HSD17B12: variants seen among roughly 807,000 people sequenced by gnomAD.
HSD17B12 encodes the protein very-long-chain 3-oxoacyl-CoA reductase.
A neutral mutation model predicts 39.3 loss-of-function variants in HSD17B12; 32 were observed. The observed-to-expected ratio is 0.81, with a 90% CI of 0.61 to 1.09. The LOEUF is 1.09. Ranked by LOEUF, HSD17B12 falls within the 50% of genes least tolerant of loss-of-function variation. HSD17B12 has a pLI of 0.00. For missense variants in HSD17B12, 342 were observed against 382.9 expected, an observed-to-expected ratio of 0.89 and a Z score of 0.89; for synonymous variants, 150 against 146.7, an observed-to-expected ratio of 1.02 and a Z score of -0.16.
chr11:43,607,613 C>T, the HSD17B12 span, among the ~76,000 whole-genome samples: 1 of 152,072 alleles, frequency 6.6e-6, no homozygotes, highest in African/African-American at 2.4e-5. Flanking sequence ...ATAATATACC[C>T]ACTTCACAGA....
the HSD17B12 span, among the ~76,000 whole-genome samples, chr11:43,665,790 C>A: frequency 0.025 from 3,824 of 152,224 alleles, 158 homozygotes; most frequent in African/African-American, 0.087. Context: ...CACACACACA[C>A]AAGCATGCCT....
rs116884963 is a variant in HSD17B12, at chr11:43,745,964, C to T, written c.161-4947C>T. On this transcript the variant is annotated intron_variant, in intron 1 of 10. Transcript: ENST00000278353. ...GTGAGAGGCTGTAGTGAGCTATGAT[C>T]ACACCATTGCACTCTAGCCTGGGTG... Among the ~76,000 whole-genome samples, 611 of 152,222 alleles carry T rather than the reference C, an allele frequency of 4.0e-3. 7 individuals carry two copies. The East Asian group carries it at 0.045, about 11-fold the overall frequency.
intron 1 of HSD17B12, among the ~76,000 whole-genome samples, chr11:43,727,559 A>G (rs1213269185): frequency 6.6e-6 from 1 of 150,514 alleles, no homozygotes; most frequent in Admixed American, 6.6e-5. Flanking sequence ...GTCTCAACTG[A>G]TTTTCCTGCC....
At chr11:43,559,409 C>T in the HSD17B12 span, among the ~76,000 whole-genome samples, 11 of 152,314 alleles carry the variant, frequency 7.2e-5, no homozygotes, top group East Asian at 1.9e-3. Context: ...CCCGGAGATC[C>T]ATGGAAAGAC....
the HSD17B12 span, among the ~76,000 whole-genome samples, chr11:43,567,858 A>G: frequency 2.6e-5 from 4 of 152,322 alleles, no homozygotes; most frequent in Non-Finnish European, 5.9e-5. Flanking sequence ...CTGAGACCTG[A>G]AGGGATTAAA....
At chr11:43,660,606 T>G in the HSD17B12 span, among the ~76,000 whole-genome samples, 1 of 152,252 alleles carries the variant, frequency 6.6e-6, no homozygotes, top group Non-Finnish European at 1.5e-5. Flanking sequence ...ACAGCCACTT[T>G]GGAAAACAGT....
intron 1 of HSD17B12, among the ~76,000 whole-genome samples, chr11:43,705,790 A>G (rs1233544738): frequency 2.5e-5 from 2 of 80,498 alleles, no homozygotes; most frequent in African/African-American, 9.8e-5. Context: ...TTTTTTTGAG[A>G]TAGGGTCTTG....
chr11:43,582,196 G>A, the HSD17B12 span, among the ~76,000 whole-genome samples: 1 of 152,200 alleles, frequency 6.6e-6, no homozygotes, highest in Non-Finnish European at 1.5e-5. Context: ...AAACAGGCGA[G>A]AACTGGGGAA....
chr11:43,609,528 G>A, the HSD17B12 span, among the ~76,000 whole-genome samples: 2 of 151,818 alleles, frequency 1.3e-5, no homozygotes, highest in African/African-American at 2.4e-5. Context: ...ACCATGCCAG[G>A]CTAATTTTTT....
the HSD17B12 span, among the ~76,000 whole-genome samples, chr11:43,670,919 A>T: frequency 6.6e-6 from 1 of 152,150 alleles, no homozygotes; most frequent in African/African-American, 2.4e-5. Flanking sequence ...TAAGGGGAAT[A>T]AAGGAAAGAA....
chr11:43,785,144 T>C (rs1282812358), intron 3 of HSD17B12, among the ~76,000 whole-genome samples: 1 of 152,146 alleles, frequency 6.6e-6, no homozygotes, highest in Non-Finnish European at 1.5e-5. Context: ...CTGGTTTATA[T>C]GCTTAAAGAA....
intron 1 of HSD17B12, among the ~76,000 whole-genome samples, chr11:43,702,080 G>T (rs1949970059): frequency 6.6e-6 from 1 of 152,006 alleles, no homozygotes; most frequent in Non-Finnish European, 1.5e-5. Context: ...AATTTCATGG[G>T]TAGCTATTAT....
intron 1 of HSD17B12, chr11:43,681,253 T>A: frequency 2.2e-6 from 2 of 889,904 alleles, no homozygotes; most frequent in Non-Finnish European, 3.0e-6. Context: ...AAAACTGCCT[T>A]AAGTCTCTGG....
chr11:43,580,807 C>A, the HSD17B12 span, among the ~76,000 whole-genome samples: 2 of 151,826 alleles, frequency 1.3e-5, no homozygotes, highest in Non-Finnish European at 2.9e-5. Context: ...TTCTCCCTCC[C>A]CCTTCTGAAA....
chr11:43,718,740 TAA>T, intron 1 of HSD17B12: 1 of 1,278,518 alleles, frequency 7.8e-7, no homozygotes, highest in Non-Finnish European at 1.1e-6. Flanking sequence ...GCAAAGGCTT[TAA>T]AGGCCAAGAA....
chr11:43,658,290 C>T, the HSD17B12 span, among the ~76,000 whole-genome samples: 12 of 152,222 alleles, frequency 7.9e-5, no homozygotes, highest in Middle Eastern at 0.01. Flanking sequence ...GTTATGCATT[C>T]GTCTAGTTTT....
At chr11:43,716,380 T>G (rs775023682) in intron 1 of HSD17B12, among the ~76,000 whole-genome samples, 1 of 152,246 alleles carries the variant, frequency 6.6e-6, no homozygotes, top group Admixed American at 6.5e-5. Flanking sequence ...GAGGGTAAAC[T>G]TGGGTATTAT....
At chr11:43,799,215 CTATATG>C (rs907374878) in intron 4 of HSD17B12, among the ~76,000 whole-genome samples, 1 of 151,744 alleles carries the variant, frequency 6.6e-6, no homozygotes, top group Non-Finnish European at 1.5e-5. Context: ...CGATTATGTA[CTATATG>C]TATATCTCTG....
At chr11:43,755,627 A>G (rs772418857) in intron 3 of HSD17B12, 2 of 152,184 alleles carry the variant, frequency 1.3e-5, no homozygotes, top group Non-Finnish European at 2.9e-5. Flanking sequence ...TTTCTTCTAT[A>G]TTTTGTTACC....
Sources: gnomAD v4.1 joint callset for allele counts (sites outside exome capture counted in the v4.1 genomes callset) on GRCh38, gnomAD v4.1.1 for gene constraint, MANE v1.5 for transcripts, NCBI Gene and HGNC (gene_info 2026-07-23, HGNC 2026-07-21) for gene names.